EXT1: variants seen among roughly 807,000 people sequenced by gnomAD.
The protein encoded by EXT1 is exostosin glycosyltransferase 1, also known as exostosin-1.
Under a neutral mutation model 82.5 loss-of-function variants are expected in EXT1, and 20 were observed. The ratio of observed to expected loss-of-function variants is 0.24; its 90% CI spans 0.17 to 0.35. The LOEUF is 0.35. Ranked by LOEUF, EXT1 falls within the 10% of genes least tolerant of loss-of-function variation. EXT1 has a pLI of 1.00. For synonymous variants in EXT1, 348 were observed against 350.8 expected (o/e 0.99, Z 0.09); for missense variants, 757 against 936.5 (o/e 0.81, Z 2.50).
intron 1 of EXT1, among the ~76,000 whole-genome samples, chr8:117,913,938 C>T (rs1395619486): frequency 6.6e-6 from 1 of 152,172 alleles, no homozygotes; most frequent in African/African-American, 2.4e-5. Context: ...GGTGGGCAGG[C>T]TTTAGCTCTA....
At chr8:118,027,645 G>T (rs560596383) in intron 1 of EXT1, among the ~76,000 whole-genome samples, 103 of 152,306 alleles carry the variant, frequency 6.8e-4, no homozygotes, top group African/African-American at 2.4e-3. Context: ...CTTAGCAATT[G>T]TCTAGAGAAA....
intron 1 of EXT1, among the ~76,000 whole-genome samples, chr8:117,992,936 T>C (rs1815465425): frequency 6.6e-6 from 1 of 152,212 alleles, no homozygotes; most frequent in Admixed American, 6.5e-5. Flanking sequence ...AATCTCAATA[T>C]TTCAGCTTCA....
chr8:118,038,242 A>G (rs1434441365), intron 1 of EXT1, among the ~76,000 whole-genome samples: 2 of 152,266 alleles, frequency 1.3e-5, no homozygotes, highest in East Asian at 3.8e-4. Context: ...TTTAAAACAC[A>G]AAATATATGA....
chr8:117,906,123 T>C (rs1439450439), intron 1 of EXT1, among the ~76,000 whole-genome samples: 2 of 152,218 alleles, frequency 1.3e-5, no homozygotes, highest in Admixed American at 6.5e-5. Flanking sequence ...CTATCCCTCG[T>C]ATTTCTTACA....
chr8:118,031,313 G>T (rs1160129009), intron 1 of EXT1, among the ~76,000 whole-genome samples: 1 of 152,054 alleles, frequency 6.6e-6, no homozygotes, highest in Non-Finnish European at 1.5e-5. Flanking sequence ...CAGAGGTCAG[G>T]AGTTTGTTTG....
intron 1 of EXT1, among the ~76,000 whole-genome samples, chr8:117,908,072 A>C (rs1813575327): frequency 6.6e-6 from 1 of 152,252 alleles, no homozygotes; most frequent in African/African-American, 2.4e-5. Flanking sequence ...GGCTCATTTT[A>C]GCCAAACATT....
chr8:117,901,898 A>AT (rs1813456674), intron 1 of EXT1, among the ~76,000 whole-genome samples: 1 of 152,052 alleles, frequency 6.6e-6, no homozygotes, highest in South Asian at 2.1e-4. Flanking sequence ...AGGTTTCGCC[A>AT]TGTTATTCAG....
At chr8:118,042,965 C>A (rs569937813) in intron 1 of EXT1, among the ~76,000 whole-genome samples, 1 of 152,300 alleles carries the variant, frequency 6.6e-6, no homozygotes, top group South Asian at 2.1e-4. Context: ...AACTTTTGAG[C>A]CCCAACTCTA....
chr8:118,027,554 T>G (rs147643566), intron 1 of EXT1, among the ~76,000 whole-genome samples: 1 of 152,184 alleles, frequency 6.6e-6, no homozygotes, highest in African/African-American at 2.4e-5. Flanking sequence ...TCAGCTTACA[T>G]AAAATGTGGG....
intron 1 of EXT1, among the ~76,000 whole-genome samples, chr8:117,916,745 T>C (rs1813761264): frequency 6.6e-6 from 1 of 151,800 alleles, no homozygotes; most frequent in Non-Finnish European, 1.5e-5. Context: ...AAACCCCGTC[T>C]CTACTAAAAA....
At chr8:117,996,414 T>C (rs1429850682) in intron 1 of EXT1, among the ~76,000 whole-genome samples, 1 of 152,230 alleles carries the variant, frequency 6.6e-6, no homozygotes, top group African/African-American at 2.4e-5. Context: ...CATGTACGGC[T>C]AGTGGCTGCC....
intron 1 of EXT1, among the ~76,000 whole-genome samples, chr8:117,907,040 ATG>A (rs1417367770): frequency 2.0e-5 from 2 of 101,144 alleles, no homozygotes; most frequent in Non-Finnish European, 4.2e-5. Context: ...ATGGCTGACC[ATG>A]CACATTCACT....
chr8:117,951,866 A>C (rs1342908694), intron 1 of EXT1, among the ~76,000 whole-genome samples: 3 of 152,250 alleles, frequency 2.0e-5, no homozygotes, highest in Non-Finnish European at 4.4e-5. Context: ...GTGAAATTCA[A>C]ATTTCAGGTT....
In EXT1 at chr8:117,932,945, G is replaced by A. The variant is rs138091735; in HGVS notation, c.963-95744C>T. ...CACCCAGAGGGAATGCAAACTTAACGTGCTCCTAACATCTTCCCCGTGCTC... is the reference window on the plus strand; with the variant it reads ...CACCCAGAGGGAATGCAAACTTAACATGCTCCTAACATCTTCCCCGTGCTC... On this transcript the variant is annotated intron_variant, in intron 1 of 10. Transcript: ENST00000378204. 6.3e-4 allele frequency among the ~76,000 whole-genome samples: 96 copies of A among 152,168 alleles called. 1 individual carries two copies. Among genetic ancestry groups the A allele is most frequent in the South Asian group, 3.9e-3 (19 of 4,822 alleles).
At chr8:117,956,825 A>G (rs527313596) in intron 1 of EXT1, among the ~76,000 whole-genome samples, 14 of 152,168 alleles carry the variant, frequency 9.2e-5, no homozygotes, top group Non-Finnish European at 2.1e-4. Context: ...TATATTCCTG[A>G]TGGGGGAAGA....
At chr8:117,833,977 A>C (rs763458669) in intron 3 of EXT1, among the ~76,000 whole-genome samples, 8 of 152,208 alleles carry the variant, frequency 5.3e-5, no homozygotes, top group Non-Finnish European at 1.0e-4. Context: ...CACAGTGGGA[A>C]ATCATTGGCA....
chr8:117,854,288 A>G (rs1812503628), intron 1 of EXT1, among the ~76,000 whole-genome samples: 1 of 150,854 alleles, frequency 6.6e-6, no homozygotes, highest in South Asian at 2.1e-4. Flanking sequence ...AGACTAATTT[A>G]GGGATTACAG....
intron 1 of EXT1, among the ~76,000 whole-genome samples, chr8:117,984,415 T>A (rs1586325083): frequency 7.3e-6 from 1 of 136,810 alleles, no homozygotes. Flanking sequence ...GGTGATAGAG[T>A]GAAACTCCGT....
At chr8:117,905,415 G>T (rs371048712) in intron 1 of EXT1, among the ~76,000 whole-genome samples, 16 of 152,180 alleles carry the variant, frequency 1.1e-4, no homozygotes, top group African/African-American at 3.4e-4. Flanking sequence ...TGGCACATGG[G>T]GGGCAGCTTG....
Sources: allele counts gnomAD v4.1 joint callset (sites outside exome capture counted in the v4.1 genomes callset), GRCh38; gene constraint gnomAD v4.1.1; transcripts MANE v1.5; gene names NCBI Gene and HGNC (gene_info 2026-07-23, HGNC 2026-07-21).